Variants in RNF32 observed in about 807,000 individuals in gnomAD.
RNF32 encodes the protein ring finger protein 32.
RNF32 carries 36 observed loss-of-function variants against 41.0 expected under a neutral mutation model. The ratio of observed to expected loss-of-function variants is 0.88; its 90% CI spans 0.67 to 1.16. The LOEUF is 1.16. RNF32 is among the 50% of genes most tolerant of loss of function. The pLI is 0.00. For missense variants in RNF32, 413 were observed against 436.7 expected, an observed-to-expected ratio of 0.95 and a Z score of 0.48; for synonymous variants, 154 against 160.9, an observed-to-expected ratio of 0.96 and a Z score of 0.32.
rs192833563 is a variant in RNF32, at chr7:156,643,791, G to A, written c.-77-10G>A. 1.1e-4 allele frequency: 143 copies of A among 1,244,032 alleles called. No individual in the cohort carries two copies. The highest frequency in any genetic ancestry group is 1.9e-4 in the Admixed American group (11 of 57,432). The allele number at this position is 1,244,032 out of a possible 1,614,324, so 77.1% of individuals were successfully genotyped here. On this transcript the variant is annotated splice_polypyrimidine_tract_variant and intron_variant, in intron 1 of 8. Transcript: ENST00000317955. ...GTAACTTTGACTTTCTGTTGACCAC[G>A]TCTTTGCAGCAGAAGAATAGAAGGA... is the stretch of plus-strand genomic sequence containing the variant.
intron 3 of RNF32, among the ~76,000 whole-genome samples, chr7:156,652,188 T>C (rs911520620): frequency 6.6e-6 from 1 of 152,202 alleles, no homozygotes; most frequent in Non-Finnish European, 1.5e-5. Flanking sequence ...TTGAAGGAAT[T>C]GTCTTCTCCT....
intron 7 of RNF32, among the ~76,000 whole-genome samples, chr7:156,673,968 C>T (rs982755419): frequency 2.0e-5 from 3 of 151,820 alleles, no homozygotes; most frequent in Non-Finnish European, 1.5e-5. Flanking sequence ...TATTTGAAAC[C>T]TGGACAGTCA....
At chr7:156,673,407 A>G (rs1293109741) in intron 7 of RNF32, among the ~76,000 whole-genome samples, 1 of 152,236 alleles carries the variant, frequency 6.6e-6, no homozygotes, top group African/African-American at 2.4e-5. Flanking sequence ...ATTTATTTAG[A>G]TATTATTAGA....
intron 7 of RNF32, among the ~76,000 whole-genome samples, chr7:156,673,744 A>C (rs1803124993): frequency 6.6e-6 from 1 of 152,132 alleles, no homozygotes; most frequent in Non-Finnish European, 1.5e-5. Context: ...CATCCCAGGG[A>C]GAAAGGCAGC....
intron 7 of RNF32, chr7:156,659,324 A>G: frequency 2.0e-6 from 2 of 989,238 alleles, no homozygotes; most frequent in Non-Finnish European, 2.4e-6. Context: ...CTTTCCTAGA[A>G]TATGGAGATG....
intron 3 of RNF32, chr7:156,646,552 A>C: frequency 7.9e-7 from 1 of 1,263,302 alleles, no homozygotes; most frequent in Non-Finnish European, 1.0e-6. Context: ...CAACATCCAG[A>C]GGTTCCAGGT....
At chr7:156,654,760 T>C in intron 4 of RNF32, 42 bp downstream of exon 4, 1 of 1,580,966 alleles carries the variant, frequency 6.3e-7, no homozygotes, top group East Asian at 2.3e-5. Context: ...TCCTGGGCTG[T>C]TTCCTAGGGA....
rs1802309460 is a variant in RNF32, at chr7:156,670,751, T to C, written c.685-4945T>C. ...AGTCTAGACTCCCATGTGAACCAAA[T>C]GAAAGTTACATTCAAGACGAGAGGC... On this transcript the variant is annotated intron_variant, in intron 7 of 8. Coordinates refer to ENST00000317955, the MANE Select transcript of RNF32 (RefSeq NM_030936.4). This position sits in a 1 kb window ranked among gnomAD's most constrained non-coding sequence, Gnocchi z 4.3. Among the ~76,000 whole-genome samples, 2 of 151,948 alleles carry C rather than the reference T, an allele frequency of 1.3e-5. No homozygotes were observed. The highest frequency in any genetic ancestry group is 4.1e-4 in the South Asian group (2 of 4,824).
chr7:156,652,939 A>G (rs1798958369), intron 3 of RNF32, among the ~76,000 whole-genome samples: 1 of 152,198 alleles, frequency 6.6e-6, no homozygotes, highest in Non-Finnish European at 1.5e-5. Context: ...TAAAAAATTT[A>G]AAAGTTTAGA....
intron 2 of RNF32, 83 bp downstream of exon 2, chr7:156,643,975 A>G: frequency 7.8e-7 from 1 of 1,273,984 alleles, no homozygotes; most frequent in Non-Finnish European, 1.1e-6. Flanking sequence ...TATAAAAACT[A>G]GTTTGCAAAC....
At chr7:156,676,250 T>C (rs1487697244) in intron 8 of RNF32, 169 bp from the exon 9 acceptor site, 1 of 1,535,982 alleles carries the variant, frequency 6.5e-7, no homozygotes, top group Non-Finnish European at 8.8e-7. Context: ...TGTGTGTATA[T>C]ATATATGTAT....
In RNF32 at chr7:156,676,751, ATC is replaced by A; in HGVS notation, c.*98_*99del. On this transcript the variant is annotated 3_prime_UTR_variant, in exon 9 of 9. Transcript: ENST00000317955. ...GTTCTGGGTTAAGTACTACAATGTAATCTGTTTCCCAGGGAAATAAGCTATTG... is the reference window on the plus strand; with the variant it reads ...GTTCTGGGTTAAGTACTACAATGTAATGTTTCCCAGGGAAATAAGCTATTG... 1 of 862,086 alleles carries A rather than the reference ATC, an allele frequency of 1.2e-6. No individual in the cohort carries two copies. The highest frequency in any genetic ancestry group is 2.4e-5 in the East Asian group (1 of 40,906). 53.4% of individuals were successfully genotyped at this position (862,086 alleles called of 1,614,324 possible).
intron 1 of RNF32, 143 bp from the exon 2 acceptor site, chr7:156,643,658 C>G (rs1028578606): frequency 3.5e-6 from 2 of 577,126 alleles, no homozygotes; most frequent in Non-Finnish European, 6.2e-6. Context: ...TCCTCCAGAA[C>G]CAGAATGTGT....
intron 7 of RNF32, among the ~76,000 whole-genome samples, chr7:156,660,969 C>A (rs911195328): frequency 1.3e-5 from 2 of 152,150 alleles, no homozygotes; most frequent in African/African-American, 4.8e-5. Context: ...TTCAGAGATT[C>A]TTTATTTGCA....
chr7:156,659,444 T>C (rs1800264401), intron 7 of RNF32: 3 of 985,490 alleles, frequency 3.0e-6, no homozygotes, highest in South Asian at 4.7e-5. Flanking sequence ...GATTGCGTCA[T>C]CCTTCCTTTA....
In RNF32 at chr7:156,654,709, T is replaced by A; in HGVS notation, c.408T>A (p.Leu136=). 1.2e-6 allele frequency: 2 copies of A among 1,614,040 alleles called. No individual in the cohort carries two copies. The highest frequency in any genetic ancestry group is 1.7e-6 in the Non-Finnish European group (2 of 1,179,910). ...CCATCTGTAAAGAAGAATTCGAGCTTCGTCCTCAGGTGTTTAGCATACGAG... is the reference window on the plus strand; with the variant it reads ...CCATCTGTAAAGAAGAATTCGAGCTACGTCCTCAGGTGTTTAGCATACGAG... ...PCPICKEEFE[L]RPQVLLSCSH... Residue 136 remains leucine (L), a synonymous_variant, in exon 4 of 9, where the codon CTT becomes CTA. Coordinates refer to ENST00000317955, the MANE Select transcript of RNF32 (RefSeq NM_030936.4).
chr7:156,642,362 AT>A (rs1180519163), intron 1 of RNF32, among the ~76,000 whole-genome samples: 3 of 152,320 alleles, frequency 2.0e-5, no homozygotes, highest in Non-Finnish European at 2.9e-5. Context: ...TTTAAGAAAT[AT>A]CATTACCCAA....
intron 7 of RNF32, among the ~76,000 whole-genome samples, chr7:156,666,574 AG>A (rs1354238904): frequency 6.6e-6 from 1 of 152,220 alleles, no homozygotes; most frequent in Non-Finnish European, 1.5e-5. Context: ...TTGTACCCTT[AG>A]GTAAGTGTCA....
chr7:156,676,709 T>C lies in RNF32; in HGVS notation c.*54T>C. On this transcript the variant is annotated 3_prime_UTR_variant, in exon 9 of 9. Coordinates refer to ENST00000317955, the MANE Select transcript of RNF32 (RefSeq NM_030936.4). ...CTGAGGAAAAAAGTTTACCATCATT[T>C]TGGATGAACTGCATGAGTTCTGGGT... 1 of 1,321,102 alleles carries C rather than the reference T, an allele frequency of 7.6e-7. No individual in the cohort carries two copies. Among genetic ancestry groups the C allele is most frequent in the Non-Finnish European group, 1.1e-6 (1 of 923,572 alleles). 81.8% of individuals were successfully genotyped at this position (1,321,102 alleles called of 1,614,324 possible).
Sources: allele counts gnomAD v4.1 joint callset (sites outside exome capture counted in the v4.1 genomes callset), GRCh38; gene constraint gnomAD v4.1.1; non-coding constraint Gnocchi (gnomAD v3.1); transcripts MANE v1.5; gene names NCBI Gene and HGNC (gene_info 2026-07-23, HGNC 2026-07-21).